COQ5: variants seen among roughly 807,000 people sequenced by gnomAD.
The protein encoded by COQ5 is coenzyme Q5, methyltransferase.
In COQ5, 27 loss-of-function variants were observed where a neutral mutation model predicts 40.5. The observed-to-expected ratio is 0.67, with a 90% CI of 0.49 to 0.92. The LOEUF is 0.92. Ranked by LOEUF, COQ5 falls within the 40% of genes least tolerant of loss-of-function variation. COQ5 has a pLI of 0.00. For missense variants in COQ5, 409 were observed against 406.4 expected (o/e 1.01, Z -0.06); for synonymous variants, 141 against 150.0 (o/e 0.94, Z 0.44).
At chr12:120,515,964 C>T (rs117842329) in intron 3 of COQ5, among the ~76,000 whole-genome samples, 1 of 152,186 alleles carries the variant, frequency 6.6e-6, no homozygotes, top group East Asian at 1.9e-4. Context: ...CACTCTGTCA[C>T]TCAGGCTGGA....
chr12:120,526,363 T>G (rs1869943780), intron 1 of COQ5: 1 of 405,454 alleles, frequency 2.5e-6, no homozygotes, highest in South Asian at 1.8e-5. Flanking sequence ...AGTGGAGTTA[T>G]AGGAGAAATA....
chr12:120,516,934 CCTTT>C lies in COQ5; in HGVS notation c.353-150_353-147del. ...GATGCAGTGTGGCTGAAAGCCAAGT[CCTTT>C]CTTCTTTTTGTTAGAGACAGGGACT... On this transcript the variant is annotated intron_variant, in intron 2 of 6. Transcript: ENST00000288532. The C allele has an allele frequency of 1.2e-5, 9 of 746,922 alleles. No homozygotes were observed. The South Asian group carries it at 1.3e-4, about 11-fold the overall frequency. The allele number at this position is 746,922 out of a possible 1,614,324, so 46.3% of individuals were successfully genotyped here. A position where few individuals can be genotyped will look rare whatever the true frequency, so the allele number is the denominator to read the frequency against.
chr12:120,508,450 C>T, intron 4 of COQ5, among the ~76,000 whole-genome samples: 1 of 151,986 alleles, frequency 6.6e-6, no homozygotes, highest in East Asian at 1.9e-4. Flanking sequence ...ACATCACAAA[C>T]ACTTGTCTAA....
chr12:120,515,599 T>C (rs1056291979), intron 3 of COQ5, among the ~76,000 whole-genome samples: 1 of 152,116 alleles, frequency 6.6e-6, no homozygotes, highest in Non-Finnish European at 1.5e-5. Context: ...TAATAATTTT[T>C]TGTGTGTGTG....
chr12:120,522,427 A>G (rs1488522905), intron 1 of COQ5, 64 bp from the exon 2 acceptor site: 2 of 1,545,426 alleles, frequency 1.3e-6, no homozygotes, highest in African/African-American at 2.7e-5. Flanking sequence ...AATCCTAAAC[A>G]AAAAAGGAGG....
At chr12:120,508,700 C>T (rs1198687544) in intron 4 of COQ5, among the ~76,000 whole-genome samples, 1 of 152,140 alleles carries the variant, frequency 6.6e-6, no homozygotes, top group Non-Finnish European at 1.5e-5. Flanking sequence ...TCACATATAA[C>T]CTTTTGTGCC....
In COQ5 at chr12:120,504,468, G is replaced by C; in HGVS notation, c.771-387C>G. The C allele has an allele frequency of 2.5e-5, 6 of 236,976 alleles. No individual in the cohort carries two copies. The South Asian group carries it at 2.6e-4, about 10-fold the overall frequency. The allele number at this position is 236,976 out of a possible 1,614,324, so 14.7% of individuals were successfully genotyped here. On this transcript the variant is annotated intron_variant, in intron 5 of 6. Transcript: ENST00000288532. ...TCTCACGGTTGCCCAGGCTGGTCTTGAACTCCTGGCCTCAAGTGATCCTCC... is the reference window on the plus strand; with the variant it reads ...TCTCACGGTTGCCCAGGCTGGTCTTCAACTCCTGGCCTCAAGTGATCCTCC...
At chr12:120,513,985 G>A (rs1869263487) in intron 3 of COQ5, among the ~76,000 whole-genome samples, 1 of 152,158 alleles carries the variant, frequency 6.6e-6, no homozygotes, top group Non-Finnish European at 1.5e-5. Flanking sequence ...AGATGCATTT[G>A]TCTTGGTGCT....
chr12:120,526,698 A>ATTTTTTTTTTTTTCTTTTT (rs1869961446), intron 1 of COQ5, among the ~76,000 whole-genome samples: 1 of 64,088 alleles, frequency 1.6e-5, no homozygotes, highest in African/African-American at 8.2e-5. Context: ...ACTCTTGGCA[A>ATTTTTTTTTTTTTCTTTTT]TTTTTTTTTT....
rs575989128 is a variant in COQ5 at position 120,514,151 on chromosome 12, C to G, written c.574+2416G>C. 9.1e-4 allele frequency among the ~76,000 whole-genome samples: 139 copies of G among 152,184 alleles called. 1 individual carries two copies. Among genetic ancestry groups the G allele is most frequent in the African/African-American group, 3.1e-3 (129 of 41,524 alleles). On this transcript the variant is annotated intron_variant, in intron 3 of 6. Transcript: ENST00000288532. ...CAGTAGGAGTAAGGAAACATAGTGC[C>G]TTTGTCTAAAAACACTAGCGACTGT...
chr12:120,504,408 A>ATTTT (rs33973905), intron 5 of COQ5, among the ~76,000 whole-genome samples: 39 of 111,046 alleles, frequency 3.5e-4, no homozygotes, highest in South Asian at 1.3e-3. Context: ...CCTGATTTAA[A>ATTTT]TTTTTTTTTT....
intron 4 of COQ5, among the ~76,000 whole-genome samples, chr12:120,505,551 T>C: frequency 6.6e-6 from 1 of 151,746 alleles, no homozygotes; most frequent in East Asian, 1.9e-4. Context: ...CACGCCCCGC[T>C]AATTTTTTGT....
chr12:120,522,841 G>T, intron 1 of COQ5: 2 of 691,272 alleles, frequency 2.9e-6, no homozygotes, highest in South Asian at 3.3e-5. Context: ...AGTGGATCGA[G>T]CTTGCGGCTG....
intron 6 of COQ5, 42 bp downstream of exon 6, chr12:120,503,928 A>G: frequency 6.3e-7 from 1 of 1,592,620 alleles, no homozygotes; most frequent in Non-Finnish European, 8.6e-7. Flanking sequence ...TAGCCTGGAT[A>G]TCACTGTAGG....
At chr12:120,528,203 A>AAAATAAATAAAT (rs56103240) in intron 1 of COQ5, among the ~76,000 whole-genome samples, 17 of 148,742 alleles carry the variant, frequency 1.1e-4, no homozygotes, top group African/African-American at 3.7e-4. Context: ...ACTCCGTCTC[A>AAAATAAATAAAT]AAATAAATAA....
chr12:120,518,153 T>C (rs1270370194), intron 2 of COQ5, among the ~76,000 whole-genome samples: 1 of 152,030 alleles, frequency 6.6e-6, no homozygotes, highest in Admixed American at 6.6e-5. Context: ...GCTCGGTGGC[T>C]CACGCCTGTG....
chr12:120,512,639 A>C (rs1352345001), intron 3 of COQ5, among the ~76,000 whole-genome samples: 1 of 152,142 alleles, frequency 6.6e-6, no homozygotes, highest in Admixed American at 6.6e-5. Flanking sequence ...TAAATAAATA[A>C]ATTGTATATA....
intron 4 of COQ5, among the ~76,000 whole-genome samples, chr12:120,506,582 G>A (rs1250536917): frequency 1.3e-5 from 2 of 152,062 alleles, no homozygotes; most frequent in East Asian, 3.9e-4. Context: ...GGCCAGGCTG[G>A]TCTTGAACTA....
chr12:120,511,259 A>AG (rs1369096391), intron 3 of COQ5, among the ~76,000 whole-genome samples: 1 of 150,602 alleles, frequency 6.6e-6, no homozygotes, highest in African/African-American at 2.4e-5. Flanking sequence ...TCTGTCTCAA[A>AG]AAAAAAAAAA....
Sources: gnomAD v4.1 joint callset for allele counts (sites outside exome capture counted in the v4.1 genomes callset) on GRCh38, gnomAD v4.1.1 for gene constraint, MANE v1.5 for transcripts, NCBI Gene and HGNC (gene_info 2026-07-23, HGNC 2026-07-21) for gene names.